Variants in ZNF385D observed in about 807,000 individuals in gnomAD.
The protein encoded by ZNF385D is zinc finger protein 659.
A neutral mutation model predicts 35.8 loss-of-function variants in ZNF385D; 15 were observed. The observed-to-expected ratio is 0.42, with a 90% CI of 0.28 to 0.64. The LOEUF (loss-of-function observed/expected upper bound fraction) is 0.64. Ranked by LOEUF, ZNF385D falls within the 30% of genes least tolerant of loss-of-function variation. The pLI, the probability that ZNF385D is intolerant of heterozygous loss-of-function variation, is 0.23. For synonymous variants in ZNF385D, 212 were observed against 186.8 expected (o/e 1.13, Z -1.10); for missense variants, 474 against 494.6 (o/e 0.96, Z 0.39).
At chr3:21,776,359 T>C (rs2071287660) in intron 3 of ZNF385D, among the ~76,000 whole-genome samples, 1 of 151,946 alleles carries the variant, frequency 6.6e-6, no homozygotes, top group African/African-American at 2.4e-5. Flanking sequence ...TCTCAAAAGA[T>C]CGTGCCAATT....
intron 2 of ZNF385D, among the ~76,000 whole-genome samples, chr3:21,591,833 C>T (rs1346572553): frequency 1.3e-5 from 2 of 152,102 alleles, no homozygotes; most frequent in Non-Finnish European, 2.9e-5. Context: ...AATATCTAGC[C>T]TAGGAACCTT....
intron 2 of ZNF385D, among the ~76,000 whole-genome samples, chr3:21,647,302 A>G (rs1016364862): frequency 6.7e-6 from 1 of 148,426 alleles, no homozygotes. Flanking sequence ...ATATGGCAGC[A>G]GTGAATTAAT....
intron 3 of ZNF385D, among the ~76,000 whole-genome samples, chr3:21,987,296 G>T: frequency 7.4e-6 from 1 of 135,118 alleles, no homozygotes. Flanking sequence ...TGATTTTGCA[G>T]TGGCTGGTAC....
chr3:22,142,601 CAT>C (rs1704576836), intron 3 of ZNF385D, among the ~76,000 whole-genome samples: 1 of 152,014 alleles, frequency 6.6e-6, no homozygotes, highest in Non-Finnish European at 1.5e-5. Flanking sequence ...ACCCGAGAAA[CAT>C]ATCCGCACAG....
At chr3:22,040,571 C>T (rs1698603517) in intron 3 of ZNF385D, among the ~76,000 whole-genome samples, 1 of 152,148 alleles carries the variant, frequency 6.6e-6, no homozygotes, top group Non-Finnish European at 1.5e-5. Flanking sequence ...ATGATAATCA[C>T]ACATTTTCTG....
chr3:21,705,409 G>C (rs910775175), intron 1 of ZNF385D, among the ~76,000 whole-genome samples: 1 of 152,168 alleles, frequency 6.6e-6, no homozygotes, highest in Non-Finnish European at 1.5e-5. Context: ...TTTTCTTATA[G>C]AAGTCCCAAA....
chr3:22,027,960 G>T (rs746568995), intron 3 of ZNF385D, among the ~76,000 whole-genome samples: 4 of 152,190 alleles, frequency 2.6e-5, no homozygotes, highest in Non-Finnish European at 5.9e-5. Context: ...GGACATCCCT[G>T]AAGGATAGCA....
At chr3:22,185,908 A>T (rs959390474) in intron 2 of ZNF385D, among the ~76,000 whole-genome samples, 7 of 152,212 alleles carry the variant, frequency 4.6e-5, no homozygotes, top group African/African-American at 1.7e-4. Flanking sequence ...TGTTAACCTG[A>T]TAACTTCATT....
At chr3:21,702,816 G>A (rs9849549) in intron 1 of ZNF385D, among the ~76,000 whole-genome samples, 103,569 of 152,012 alleles carry the variant, frequency 0.68, 35,958 homozygotes, top group Non-Finnish European at 0.75. Flanking sequence ...AAAACATAAC[G>A]AGAGTCACCT....
intron 2 of ZNF385D, among the ~76,000 whole-genome samples, chr3:22,264,609 T>C (rs1437632837): frequency 2.6e-5 from 4 of 151,968 alleles, no homozygotes; most frequent in Non-Finnish European, 2.9e-5. Flanking sequence ...TGTATAACCA[T>C]ATGCGGTGAA....
chr3:22,105,011 T>A (rs1702132569), intron 3 of ZNF385D, among the ~76,000 whole-genome samples: 1 of 152,180 alleles, frequency 6.6e-6, no homozygotes, highest in Admixed American at 6.6e-5. Flanking sequence ...GTTTAGAAGA[T>A]TAAAACTGCT....
chr3:21,973,961 G>C (rs1703435403), intron 3 of ZNF385D, among the ~76,000 whole-genome samples: 2 of 151,848 alleles, frequency 1.3e-5, no homozygotes, highest in African/African-American at 4.8e-5. Context: ...TTCACAGATT[G>C]GTAGAATATA....
intron 3 of ZNF385D, among the ~76,000 whole-genome samples, chr3:21,775,513 T>G (rs1273499251): frequency 6.6e-6 from 1 of 151,956 alleles, no homozygotes; most frequent in Non-Finnish European, 1.5e-5. Context: ...TCAGTGAACC[T>G]ATTTACAGCT....
chr3:21,442,106 A>G (rs1363696568), intron 4 of ZNF385D, among the ~76,000 whole-genome samples: 1 of 152,202 alleles, frequency 6.6e-6, no homozygotes, highest in Non-Finnish European at 1.5e-5. Flanking sequence ...AAAACACTGT[A>G]AATACTTCTT....
rs373177565 is a variant in ZNF385D at position 21,655,111 on chromosome 3, A to C, written c.165+9775T>G. On this transcript the variant is annotated intron_variant, in intron 2 of 7. Coordinates refer to ENST00000281523, the MANE Select transcript of ZNF385D (RefSeq NM_024697.3). ...AGAAATCACCTTGGGGAAGTGCAAA[A>C]AACAACAACAACAACAACAAAATGC... Among the ~76,000 whole-genome samples, 45 of 151,620 alleles carry C rather than the reference A, an allele frequency of 3.0e-4. No homozygotes were observed. In the East Asian group the frequency reaches 3.5e-3, roughly 12 times the overall value.
intron 3 of ZNF385D, among the ~76,000 whole-genome samples, chr3:21,541,389 C>A (rs971933820): frequency 1.3e-5 from 2 of 152,096 alleles, no homozygotes; most frequent in African/African-American, 4.8e-5. Flanking sequence ...AAATAAAGTT[C>A]ATTTTTTCTA....
chr3:21,649,106 C>T (rs974485664), intron 2 of ZNF385D, among the ~76,000 whole-genome samples: 5 of 152,066 alleles, frequency 3.3e-5, no homozygotes, highest in African/African-American at 4.8e-5. Flanking sequence ...GTCAGCTTTA[C>T]CTGTGGCTTT....
intron 3 of ZNF385D, among the ~76,000 whole-genome samples, chr3:21,881,523 T>A (rs572074094): frequency 6.6e-6 from 1 of 152,028 alleles, no homozygotes; most frequent in Non-Finnish European, 1.5e-5. Context: ...TTACTGTCCA[T>A]TGACAACATA....
intron 2 of ZNF385D, among the ~76,000 whole-genome samples, chr3:22,350,059 TAGAACTTTCTAAAG>T (rs2125495142): frequency 1.3e-5 from 2 of 152,280 alleles, no homozygotes; most frequent in South Asian, 4.1e-4. Context: ...AAATGTTTGG[TAGAACTTTCTAAAG>T]TTTTCTTCTC....
Sources: allele counts gnomAD v4.1 joint callset (sites outside exome capture counted in the v4.1 genomes callset), GRCh38; gene constraint gnomAD v4.1.1; transcripts MANE v1.5; gene names NCBI Gene and HGNC (gene_info 2026-07-23, HGNC 2026-07-21).